Variants in SPATA3 observed in about 807,000 individuals in gnomAD.
SPATA3 encodes the protein spermatogenesis associated 3.
A neutral mutation model predicts 5.7 loss-of-function variants in SPATA3; 6 were observed. The observed-to-expected ratio is 1.06, with a 90% CI of 0.58 to 2.09. SPATA3 has a LOEUF of 2.09. SPATA3 is among the 30% of genes most tolerant of loss of function. The probability of loss-of-function intolerance (pLI) is 0.00; values close to 1 mark genes in which losing one functional copy is unlikely to be tolerated. For missense variants in SPATA3, 155 were observed against 130.4 expected (o/e 1.19, Z -0.92); for synonymous variants, 44 against 48.4 (o/e 0.91, Z 0.37).
At chr2:231,002,597 G>A (rs2125101689) in intron 2 of SPATA3, 87 bp from the exon 3 acceptor site, 1 of 737,900 alleles carries the variant, frequency 1.4e-6, no homozygotes, top group Non-Finnish European at 2.1e-6. Flanking sequence ...AATCCTGAGG[G>A]GGCCACATAA....
chr2:231,000,489 G>T (rs1439651407), exon 2 of SPATA3: 1 of 1,549,120 alleles, frequency 6.5e-7, no homozygotes, highest in Admixed American at 2.0e-5. Flanking sequence ...CCTCGGGACT[G>T]GCAGATGGCG....
chr2:231,000,692 A>C (rs1355373180), intron 2 of SPATA3, among the ~76,000 whole-genome samples, 155 bp downstream of exon 2: 2 of 152,118 alleles, frequency 1.3e-5, no homozygotes, highest in East Asian at 3.9e-4. Flanking sequence ...CACTTCCTGG[A>C]CGTTGGCAGG....
At chr2:231,011,335 G>T (rs192378836), downstream of SPATA3, among the ~76,000 whole-genome samples, 1 of 151,992 alleles carries the variant, frequency 6.6e-6, no homozygotes, top group East Asian at 1.9e-4. Context: ...GGCTGGTCTC[G>T]AACTTCTGAC....
downstream of SPATA3, among the ~76,000 whole-genome samples, chr2:231,005,157 CCATCACCATCATCACCATCAT>C (rs1559197407): frequency 9.2e-6 from 1 of 108,538 alleles, no homozygotes. Context: ...ATCACCATCA[CCATCACCATCATCACCATCAT>C]CATCACCATC....
chr2:230,998,316 C>T (rs1227150849), intron 1 of SPATA3, among the ~76,000 whole-genome samples: 1 of 152,218 alleles, frequency 6.6e-6, no homozygotes, highest in Non-Finnish European at 1.5e-5. Flanking sequence ...TGATTTTGAG[C>T]ACCATACTAT....
At chr2:230,996,454 C>A in intron 1 of SPATA3, 1 of 1,552,368 alleles carries the variant, frequency 6.4e-7, no homozygotes, top group Non-Finnish European at 8.7e-7. Context: ...GCCCTTCCAG[C>A]ACCCGAAATC....
intron 6 of SPATA3, among the ~76,000 whole-genome samples, chr2:231,015,625 G>A (rs572981170): frequency 6.6e-6 from 1 of 152,342 alleles, no homozygotes; most frequent in Non-Finnish European, 1.5e-5. Flanking sequence ...GCAGCTCCCT[G>A]GAAACCTCCA....
downstream of SPATA3, among the ~76,000 whole-genome samples, chr2:231,007,996 C>A (rs1559199179): frequency 6.6e-6 from 1 of 152,058 alleles, no homozygotes; most frequent in Non-Finnish European, 1.5e-5. Flanking sequence ...GACGACATAG[C>A]AAGACCCTGT....
At chr2:231,013,699 A>G (rs938143572) in intron 5 of SPATA3, among the ~76,000 whole-genome samples, 3 of 152,168 alleles carry the variant, frequency 2.0e-5, no homozygotes, top group African/African-American at 7.2e-5. Flanking sequence ...CGTGTTGGTC[A>G]GTCTGGTCTT....
downstream of SPATA3, chr2:231,006,786 C>A (rs1692642934): frequency 6.6e-6 from 1 of 152,164 alleles, no homozygotes; most frequent in Non-Finnish European, 1.5e-5. Flanking sequence ...CTAGAATTTT[C>A]TTTCCTAAAG....
At chr2:231,005,502 TCACCACCACCACCATCAC>T (rs1692579334), downstream of SPATA3, among the ~76,000 whole-genome samples, 1 of 33,830 alleles carries the variant, frequency 3.0e-5, no homozygotes, top group Non-Finnish European at 6.6e-5. Flanking sequence ...ACCACCATCA[TCACCACCACCACCATCAC>T]CACCACCACC....
At chr2:231,014,898 CCCTT>C (rs895036824) in intron 6 of SPATA3, among the ~76,000 whole-genome samples, 6 of 152,146 alleles carry the variant, frequency 3.9e-5, no homozygotes, top group African/African-American at 1.4e-4. Flanking sequence ...TGTTAAGGTG[CCCTT>C]CCTTCTCAAG....
chr2:231,009,571 T>G (rs1375889616), downstream of SPATA3, among the ~76,000 whole-genome samples: 4 of 152,206 alleles, frequency 2.6e-5, no homozygotes, highest in African/African-American at 9.7e-5. Flanking sequence ...CACTGTCACC[T>G]GGGCTCATCT....
chr2:231,010,913 TAA>T (rs58404200), downstream of SPATA3, among the ~76,000 whole-genome samples: 1,098 of 131,846 alleles, frequency 8.3e-3, 20 homozygotes, highest in African/African-American at 0.028. Context: ...TGTATTTTTC[TAA>T]AAAAAAAAAA....
chr2:231,013,390 T>A (rs1692841559), intron 5 of SPATA3, among the ~76,000 whole-genome samples: 1 of 152,252 alleles, frequency 6.6e-6, no homozygotes. Context: ...AATAGTTTAT[T>A]CCTCTTTATT....
intron 5 of SPATA3, chr2:231,013,779 A>G (rs1692855568): frequency 6.6e-6 from 1 of 150,800 alleles, no homozygotes; most frequent in South Asian, 2.1e-4. Flanking sequence ...CTGGCATTTT[A>G]TCTTGGCTAA....
At chr2:230,997,752 G>A (rs1028722778) in intron 1 of SPATA3, among the ~76,000 whole-genome samples, 1 of 152,198 alleles carries the variant, frequency 6.6e-6, no homozygotes, top group African/African-American at 2.4e-5. Context: ...ATTGTGTAGA[G>A]GGAATTCAAG....
chr2:231,001,207 GC>G (rs1692341776), intron 2 of SPATA3, among the ~76,000 whole-genome samples: 1 of 152,080 alleles, frequency 6.6e-6, no homozygotes, highest in Non-Finnish European at 1.5e-5. Flanking sequence ...GGCTGCCACC[GC>G]CCTCATAGGA....
chr2:231,014,474 A>T (rs1692877709), intron 6 of SPATA3, among the ~76,000 whole-genome samples: 1 of 152,124 alleles, frequency 6.6e-6, no homozygotes, highest in Non-Finnish European at 1.5e-5. Context: ...CCTCTTTCCC[A>T]CATGAAATCC....
Sources: allele counts gnomAD v4.1 joint callset (sites outside exome capture counted in the v4.1 genomes callset), GRCh38; gene constraint gnomAD v4.1.1; transcripts MANE v1.5; gene names NCBI Gene and HGNC (gene_info 2026-07-23, HGNC 2026-07-21).